The following NPSR1 variants were observed in gnomAD, a reference collection of about 807,000 sequenced individuals.
NPSR1 encodes the protein neuropeptide S receptor.
A neutral mutation model predicts 46.9 loss-of-function variants in NPSR1; 48 were observed. That is an observed-to-expected ratio of 1.02 (90% CI 0.81 to 1.30). The LOEUF (loss-of-function observed/expected upper bound fraction) is 1.30. NPSR1 is among the 50% of genes most tolerant of loss of function. The pLI is 0.00. For synonymous variants in NPSR1, 176 were observed against 168.1 expected (o/e 1.05, Z -0.36); for missense variants, 450 against 449.5 (o/e 1.00, Z -0.01).
At chr7:34,787,674 T>G (rs900222616) in intron 3 of NPSR1, among the ~76,000 whole-genome samples, 1 of 152,130 alleles carries the variant, frequency 6.6e-6, no homozygotes, top group Admixed American at 6.6e-5. Flanking sequence ...TCAGGGCTAT[T>G]TATTGGCTTA....
chr7:34,751,844 C>T, intron 2 of NPSR1: 3 of 1,583,076 alleles, frequency 1.9e-6, no homozygotes, highest in South Asian at 2.2e-5. Flanking sequence ...AGGGTCACTG[C>T]CACCTCTTTG....
chr7:34,711,080 T>C (rs1473504938), intron 2 of NPSR1: 2 of 320,068 alleles, frequency 6.2e-6, no homozygotes, highest in Admixed American at 6.7e-5. Flanking sequence ...CCAAAAGGTG[T>C]TGTAGCTTCT....
At chr7:34,795,731 C>T (rs777249923) in intron 3 of NPSR1, among the ~76,000 whole-genome samples, 30 of 152,080 alleles carry the variant, frequency 2.0e-4, no homozygotes, top group Middle Eastern at 3.4e-3. Flanking sequence ...AGGAAAACTA[C>T]GAAACTTGAA....
Position 34,711,014 on chromosome 7 carries a change from C to T in NPSR1, c.280+26330C>T, listed in dbSNP as rs980520919. On this transcript the variant is annotated intron_variant, in intron 2 of 8. Coordinates refer to ENST00000360581, the MANE Select transcript of NPSR1 (RefSeq NM_207172.2). ...TGACCACTTCTATGTACCTGCAGAA[C>T]GCAAATTGGCATTTGTCATCAGGAT... is the stretch of plus-strand genomic sequence containing the variant. 9 of 343,782 alleles carry T rather than the reference C, an allele frequency of 2.6e-5. No homozygotes were observed. In the East Asian group the frequency reaches 3.8e-4, roughly 14 times the overall value. 21.3% of individuals were successfully genotyped at this position (343,782 alleles called of 1,614,324 possible).
Position 34,717,998 on chromosome 7 carries a change from T to C in NPSR1, c.280+33314T>C, listed in dbSNP as rs113459251. Among the ~76,000 whole-genome samples, 193 of 152,340 alleles carry C rather than the reference T, an allele frequency of 1.3e-3. 3 individuals carry two copies. Among genetic ancestry groups the C allele is most frequent in the African/African-American group, 4.0e-3 (168 of 41,580 alleles). On this transcript the variant is annotated intron_variant, in intron 2 of 8. Transcript: ENST00000360581. ...CACAATAGATGGGCAAATCCAACTG[T>C]ACCTTATCCTGATGACATATTTTAG... is the stretch of plus-strand genomic sequence containing the variant.
intron 2 of NPSR1, among the ~76,000 whole-genome samples, chr7:34,686,960 C>CAAAAA (rs66886501): frequency 5.3e-4 from 50 of 94,124 alleles, no homozygotes; most frequent in Non-Finnish European, 6.0e-4. Context: ...GACTCCGTCT[C>CAAAAA]AAAAAAAAAA....
At chr7:34,798,554 T>G (rs35302230) in intron 3 of NPSR1, among the ~76,000 whole-genome samples, 5,738 of 152,144 alleles carry the variant, frequency 0.038, 167 homozygotes, top group Non-Finnish European at 0.055. Context: ...GGCGGGGGGT[T>G]GAATGCAAAG....
At chr7:34,744,292 CTTAA>C (rs1785098427) in intron 2 of NPSR1, among the ~76,000 whole-genome samples, 2 of 151,692 alleles carry the variant, frequency 1.3e-5, no homozygotes, top group African/African-American at 2.4e-5. Context: ...CAGGATTTTT[CTTAA>C]TTAATATTTG....
At chr7:34,833,791 T>C (rs1790232115) in intron 5 of NPSR1, among the ~76,000 whole-genome samples, 1 of 152,200 alleles carries the variant, frequency 6.6e-6, no homozygotes, top group South Asian at 2.1e-4. Flanking sequence ...CTCAGGTCCT[T>C]AGCAGAATTC....
intron 3 of NPSR1, among the ~76,000 whole-genome samples, chr7:34,801,768 G>A (rs1584053156): frequency 6.7e-6 from 1 of 148,814 alleles, no homozygotes; most frequent in East Asian, 2.0e-4. Context: ...AGGAAAAGAG[G>A]AAGTCAAATT....
intron 1 of NPSR1, among the ~76,000 whole-genome samples, chr7:34,676,025 G>A (rs1792297828): frequency 6.6e-6 from 1 of 152,140 alleles, no homozygotes; most frequent in African/African-American, 2.4e-5. Flanking sequence ...CAGTGTGGTG[G>A]GGGGTGGGTA....
chr7:34,798,240 A>G (rs1788277460), intron 3 of NPSR1, among the ~76,000 whole-genome samples: 1 of 152,208 alleles, frequency 6.6e-6, no homozygotes, highest in South Asian at 2.1e-4. Context: ...TGACAATATT[A>G]AAAGAGATGC....
At chr7:34,706,431 C>T (rs934491940) in intron 2 of NPSR1, among the ~76,000 whole-genome samples, 3 of 152,054 alleles carry the variant, frequency 2.0e-5, no homozygotes, top group African/African-American at 4.8e-5. Context: ...TCCTATTCTT[C>T]TACGTGGGAA....
At chr7:34,835,548 G>T (rs572420602) in intron 6 of NPSR1, among the ~76,000 whole-genome samples, 25 of 152,292 alleles carry the variant, frequency 1.6e-4, no homozygotes, top group African/African-American at 6.0e-4. Flanking sequence ...CCAAGACAGA[G>T]CTTGTTTTCT....
At chr7:34,687,046 T>C (rs1333150089) in intron 2 of NPSR1, among the ~76,000 whole-genome samples, 1 of 151,596 alleles carries the variant, frequency 6.6e-6, no homozygotes, top group African/African-American at 2.4e-5. Context: ...ATGTCTAGTA[T>C]CTTGTGCCAA....
downstream of NPSR1, among the ~76,000 whole-genome samples, chr7:34,853,513 A>C (rs191160344): frequency 5.9e-5 from 9 of 152,350 alleles, no homozygotes; most frequent in East Asian, 1.7e-3. Context: ...TTAAGAATAC[A>C]TTATCCGCAA....
At chr7:34,799,245 A>C (rs1364203060) in intron 3 of NPSR1, among the ~76,000 whole-genome samples, 1 of 152,084 alleles carries the variant, frequency 6.6e-6, no homozygotes, top group Non-Finnish European at 1.5e-5. Context: ...AACGTATATT[A>C]TTTTGTTTTT....
intron 2 of NPSR1, among the ~76,000 whole-genome samples, chr7:34,704,968 T>A (rs1016736846): frequency 3.9e-5 from 6 of 152,216 alleles, no homozygotes; most frequent in African/African-American, 1.4e-4. Flanking sequence ...CTATTTTATG[T>A]ATATGGTCTG....
intron 3 of NPSR1, among the ~76,000 whole-genome samples, chr7:34,794,177 AC>A (rs1289588306): frequency 6.6e-6 from 1 of 152,130 alleles, no homozygotes. Context: ...AATATAAAAA[AC>A]AATAGTGTAT....
Sources: gnomAD v4.1 joint callset for allele counts (sites outside exome capture counted in the v4.1 genomes callset) on GRCh38, gnomAD v4.1.1 for gene constraint, MANE v1.5 for transcripts, NCBI Gene and HGNC (gene_info 2026-07-23, HGNC 2026-07-21) for gene names.